Variants in RASEF observed in about 807,000 individuals in gnomAD.
The protein encoded by RASEF is RAS and EF-hand domain containing.
A neutral mutation model predicts 90.1 loss-of-function variants in RASEF; 68 were observed. The ratio of observed to expected loss-of-function variants is 0.75; its 90% CI spans 0.62 to 0.92. The LOEUF is 0.92. RASEF is among the 40% of genes least tolerant of loss of function. RASEF has a pLI of 0.00. For missense variants in RASEF, 949 were observed against 937.2 expected, an observed-to-expected ratio of 1.01 and a Z score of -0.16; for synonymous variants, 331 against 345.2, an observed-to-expected ratio of 0.96 and a Z score of 0.46.
In RASEF at chr9:83,007,720, T is replaced by G. The variant is rs201322186; in HGVS notation, c.960-215A>C. 1.1e-4 allele frequency among the ~76,000 whole-genome samples: 16 copies of G among 152,226 alleles called. No individual in the cohort carries two copies. In the East Asian group the frequency reaches 1.9e-3, roughly 18 times the overall value. ...AAACACACTCACATCCTGTGCTTTC[T>G]CCTGTGAGTCTCTGCCCCGCCTCCG... is the stretch of plus-strand genomic sequence containing the variant. On this transcript the variant is annotated intron_variant, in intron 6 of 16. Coordinates refer to ENST00000376447, the MANE Select transcript of RASEF (RefSeq NM_152573.4).
At chr9:83,008,891 CATATATATATAT>C (rs56810511) in intron 6 of RASEF, among the ~76,000 whole-genome samples, 231 of 19,558 alleles carry the variant, frequency 0.012, 6 homozygotes, top group African/African-American at 0.031. Context: ...AAGTTCTCAT[CATATATATATAT>C]ATATATATAT....
the RASEF span, among the ~76,000 whole-genome samples, chr9:83,197,190 C>T: frequency 5.3e-5 from 8 of 152,182 alleles, no homozygotes; most frequent in African/African-American, 1.2e-4. Context: ...ATGGAAACCA[C>T]GGAAAGACTG....
chr9:83,167,843 C>T, the RASEF span, among the ~76,000 whole-genome samples: 3 of 152,066 alleles, frequency 2.0e-5, no homozygotes, highest in Non-Finnish European at 2.9e-5. Context: ...CAGTACTTAC[C>T]GCTTTTACTG....
intron 1 of RASEF, among the ~76,000 whole-genome samples, chr9:83,059,776 C>T (rs968526083): frequency 5.3e-5 from 8 of 152,150 alleles, no homozygotes; most frequent in Non-Finnish European, 1.0e-4. Context: ...CCATCCTGAC[C>T]TTGCAGACCC....
chr9:83,164,444 T>C, the RASEF span, among the ~76,000 whole-genome samples: 1 of 148,842 alleles, frequency 6.7e-6, no homozygotes, highest in South Asian at 2.1e-4. Flanking sequence ...ATCATTTTAT[T>C]ATAAGGTACT....
At chr9:83,062,318 A>G in intron 1 of RASEF, 119 bp downstream of exon 1, 1 of 937,574 alleles carries the variant, frequency 1.1e-6, no homozygotes, top group Non-Finnish European at 1.6e-6. Context: ...GAAGGAAGAC[A>G]AGCAACTCAC....
intron 1 of RASEF, among the ~76,000 whole-genome samples, chr9:83,030,647 C>T (rs1405721906): frequency 6.6e-6 from 1 of 152,110 alleles, no homozygotes; most frequent in African/African-American, 2.4e-5. Context: ...GCCAGGACTC[C>T]ACCACGGAAA....
At chr9:83,064,526 A>G (rs1830264966), upstream of RASEF, among the ~76,000 whole-genome samples, 3 of 152,226 alleles carry the variant, frequency 2.0e-5, no homozygotes, top group Non-Finnish European at 4.4e-5. Flanking sequence ...TTACAAATAT[A>G]CTTATTAAAC....
chr9:83,087,405 T>TCTCTCTCTCTCTCTCTCTCTCTCTC, the RASEF span, among the ~76,000 whole-genome samples: 1 of 115,530 alleles, frequency 8.7e-6, no homozygotes, highest in African/African-American at 3.3e-5. Flanking sequence ...TTCTCATTCA[T>TCTCTCTCTCTCTCTCTCTCTCTCTC]TCTCTCTCTC....
In RASEF at chr9:83,062,888, G is replaced by T. The variant is rs1165269360; in HGVS notation, c.-21C>A. 2.8e-6 allele frequency: 4 copies of T among 1,450,870 alleles called. No homozygotes were observed. The highest frequency in any genetic ancestry group is 1.5e-5 in the African/African-American group (1 of 67,602). 89.9% of individuals were successfully genotyped at this position (1,450,870 alleles called of 1,614,324 possible). On this transcript the variant is annotated 5_prime_UTR_variant, in exon 1 of 17. Coordinates refer to ENST00000376447, the MANE Select transcript of RASEF (RefSeq NM_152573.4). Reference sequence around the variant, plus strand: ...TCCATCCCGCCTGGCGGGGGCGGCCGAGAGGGCTCCGGAGCGCCGCGGGGC... The same window carrying T: ...TCCATCCCGCCTGGCGGGGGCGGCCTAGAGGGCTCCGGAGCGCCGCGGGGC...
the RASEF span, among the ~76,000 whole-genome samples, chr9:83,182,189 T>C: frequency 0.18 from 27,504 of 152,142 alleles, 3,354 homozygotes; most frequent in African/African-American, 0.33. Context: ...CTATAAAAAA[T>C]GCCATGCCCA....
the RASEF span, among the ~76,000 whole-genome samples, chr9:83,164,764 C>T: frequency 6.6e-6 from 1 of 151,770 alleles, no homozygotes; most frequent in Non-Finnish European, 1.5e-5. Context: ...AAGAAACATA[C>T]TTTAAATATA....
At chr9:83,006,653 G>A (rs187428965) in intron 7 of RASEF, among the ~76,000 whole-genome samples, 1 of 152,226 alleles carries the variant, frequency 6.6e-6, no homozygotes, top group African/African-American at 2.4e-5. Flanking sequence ...CTATAACCTA[G>A]TCATAAAGCT....
At chr9:83,082,929 A>C in the RASEF span, among the ~76,000 whole-genome samples, 1 of 152,220 alleles carries the variant, frequency 6.6e-6, no homozygotes, top group African/African-American at 2.4e-5. Context: ...ATCTAATATA[A>C]GATCATGCGC....
chr9:83,140,390 T>C, the RASEF span, among the ~76,000 whole-genome samples: 5 of 152,230 alleles, frequency 3.3e-5, no homozygotes, highest in Non-Finnish European at 7.3e-5. Flanking sequence ...ATAACTACAC[T>C]GGCTCATAGA....
the RASEF span, among the ~76,000 whole-genome samples, chr9:83,195,852 T>G: frequency 6.6e-6 from 1 of 151,946 alleles, no homozygotes; most frequent in East Asian, 1.9e-4. Context: ...CTTTCTTGCT[T>G]TTTAGGAATC....
chr9:83,092,677 C>G, the RASEF span, among the ~76,000 whole-genome samples: 1 of 152,062 alleles, frequency 6.6e-6, no homozygotes, highest in Non-Finnish European at 1.5e-5. Context: ...GAAGGGGACC[C>G]GAGCGGGTTG....
the RASEF span, among the ~76,000 whole-genome samples, chr9:83,144,412 G>GAAAGAAAGAAAGAAAGAAAGAA: frequency 8.1e-6 from 1 of 122,768 alleles, no homozygotes; most frequent in East Asian, 2.3e-4. Flanking sequence ...AAGAAAGAAA[G>GAAAGAAAGAAAGAAAGAAAGAA]AAAGAAAAGA....
the RASEF span, among the ~76,000 whole-genome samples, chr9:83,094,287 A>C: frequency 2.0e-5 from 3 of 151,528 alleles, no homozygotes; most frequent in South Asian, 6.2e-4. Context: ...TGAAATACCC[A>C]CAACATTGTG....
Sources: gnomAD v4.1 joint callset for allele counts (sites outside exome capture counted in the v4.1 genomes callset) on GRCh38, gnomAD v4.1.1 for gene constraint, MANE v1.5 for transcripts, NCBI Gene and HGNC (gene_info 2026-07-23, HGNC 2026-07-21) for gene names.